Variants in UPK1B observed in about 807,000 individuals in gnomAD.
UPK1B encodes uroplakin 1B.
A neutral mutation model predicts 34.2 loss-of-function variants in UPK1B; 28 were observed. The ratio of observed to expected loss-of-function variants is 0.82; its 90% CI spans 0.61 to 1.12. The LOEUF (loss-of-function observed/expected upper bound fraction) is 1.12. Among genes scored for constraint, UPK1B ranks in the 50% most tolerant of loss-of-function variants. The probability of loss-of-function intolerance (pLI) is 0.00; values close to 1 mark genes in which losing one functional copy is unlikely to be tolerated. For synonymous variants in UPK1B, 81 were observed against 110.4 expected (o/e 0.73, Z 1.67); for missense variants, 325 against 320.9 (o/e 1.01, Z -0.10).
chr3:119,179,379 A>ATATATG (rs2107424873), intron 1 of UPK1B, among the ~76,000 whole-genome samples: 1 of 85,078 alleles, frequency 1.2e-5, no homozygotes, highest in African/African-American at 4.2e-5. Context: ...ATATATATAT[A>ATATATG]TATATATATA....
chr3:119,179,507 C>T lies in UPK1B; in HGVS notation c.-29+5869C>T, dbSNP rs1453530643. Among the ~76,000 whole-genome samples the T allele has an allele frequency of 2.9e-3, 153 of 52,208 alleles. 7 individuals carry two copies. Among genetic ancestry groups the T allele is most frequent in the Non-Finnish European group, 3.2e-3 (86 of 26,928 alleles). 34.3% of individuals were successfully genotyped at this position (52,208 alleles called of 152,430 possible). ...TTTGGGGAAGAGTTGATGTTGCAGT[C>T]TTTTTTTTTTTTTTTTTTTTGAGAC... On this transcript the variant is annotated intron_variant, in intron 1 of 7. Coordinates refer to ENST00000264234, the MANE Select transcript of UPK1B (RefSeq NM_006952.4).
At chr3:119,196,514 T>G (rs374907630) in intron 6 of UPK1B, among the ~76,000 whole-genome samples, 3 of 150,636 alleles carry the variant, frequency 2.0e-5, no homozygotes, top group Middle Eastern at 3.2e-3. Flanking sequence ...AAGAAGTGAA[T>G]AGTGAATGGT....
At chr3:119,203,340 CAAAAAAAAAAAAA>C (rs55752613) in intron 7 of UPK1B, among the ~76,000 whole-genome samples, 4 of 62,026 alleles carry the variant, frequency 6.4e-5, no homozygotes, top group East Asian at 1.0e-3. Flanking sequence ...AACTCCGTCT[CAAAAAAAAAAAAA>C]AAAAAAAAAA....
intron 6 of UPK1B, among the ~76,000 whole-genome samples, chr3:119,198,238 C>T (rs1028455815): frequency 5.9e-5 from 9 of 152,208 alleles, no homozygotes; most frequent in Non-Finnish European, 1.2e-4. Flanking sequence ...GAGAAACCTC[C>T]TCTGGTAGTG....
Position 119,199,086 on chromosome 3 carries a change from G to A in UPK1B, c.678G>A (p.Met226Ile). 1 of 1,614,172 alleles carries A rather than the reference G, an allele frequency of 6.2e-7. No individual in the cohort carries two copies. Among genetic ancestry groups the A allele is most frequent in the Middle Eastern group, 1.6e-4 (1 of 6,062 alleles). Residue 226 changes from methionine to isoleucine, a missense_variant, in exon 7 of 8, where the codon ATG becomes ATA. By Grantham distance (10) the Met-to-Ile change is conservative. Coordinates refer to ENST00000264234, the MANE Select transcript of UPK1B (RefSeq NM_006952.4). ...GCTATGAACTGATCTCTGGTCCAATGAACCGACACGCCTGGGGGGTTGCCT... is the reference window on the plus strand; with the variant it reads ...GCTATGAACTGATCTCTGGTCCAATAAACCGACACGCCTGGGGGGTTGCCT... The part of the protein sequence containing the change: ...QGCYELISGP[M>I]NRHAWGVAWF...
intron 7 of UPK1B, among the ~76,000 whole-genome samples, chr3:119,200,097 G>A (rs2078084826): frequency 6.6e-6 from 1 of 152,062 alleles, no homozygotes; most frequent in Non-Finnish European, 1.5e-5. Flanking sequence ...GTAATATGTT[G>A]CCTAGGTTGA....
chr3:119,179,575 T>A (rs1399860985), intron 1 of UPK1B, among the ~76,000 whole-genome samples: 1 of 135,572 alleles, frequency 7.4e-6, no homozygotes, highest in African/African-American at 2.7e-5. Context: ...AGTGGCCTGA[T>A]CTTGGCTCAC....
intron 6 of UPK1B, among the ~76,000 whole-genome samples, chr3:119,197,865 AGAT>A (rs1161788547): frequency 6.6e-6 from 1 of 152,168 alleles, no homozygotes; most frequent in African/African-American, 2.4e-5. Flanking sequence ...GGCTTTGTTG[AGAT>A]GATATTTGCA....
chr3:119,182,702 T>A (rs570863879), intron 1 of UPK1B, among the ~76,000 whole-genome samples: 35 of 152,356 alleles, frequency 2.3e-4, no homozygotes, highest in African/African-American at 8.2e-4. Flanking sequence ...ACTGGAAGCC[T>A]ACACTTGGCT....
intron 7 of UPK1B, among the ~76,000 whole-genome samples, chr3:119,199,594 T>G (rs2078082441): frequency 6.6e-6 from 1 of 152,268 alleles, no homozygotes; most frequent in African/African-American, 2.4e-5. Flanking sequence ...CCACTTTATC[T>G]GACGCATATG....
Position 119,191,065 on chromosome 3 carries a change from C to A in UPK1B, c.429C>A (p.Asn143Lys). ...CAAACAATGATGACCAGTGGAAAAA[C>A]AATGGAGTCACCAAAACCTGGGACA... Reference protein sequence around the residue: ...SPPNNDDQWKNNGVTKTWDRL... With the variant: ...SPPNNDDQWKKNGVTKTWDRL... Residue 143 changes from asparagine (N) to lysine (K), a missense_variant, in exon 5 of 8, where the codon AAC (asparagine) becomes AAA (lysine). By Grantham distance (94) the Asn-to-Lys change is moderately conservative (BLOSUM62 0). Transcript: ENST00000264234. 5 of 1,614,024 alleles carry A rather than the reference C, an allele frequency of 3.1e-6. No homozygotes were observed. Among genetic ancestry groups the A allele is most frequent in the Non-Finnish European group, 4.2e-6 (5 of 1,179,948 alleles).
chr3:119,190,658 A>G (rs1023104617), intron 4 of UPK1B, among the ~76,000 whole-genome samples: 3 of 152,206 alleles, frequency 2.0e-5, no homozygotes, highest in Admixed American at 6.5e-5. Context: ...GGGCCTTCCA[A>G]TGGGAGGATC....
At chr3:119,177,814 A>G (rs1000509139) in intron 1 of UPK1B, among the ~76,000 whole-genome samples, 1 of 152,238 alleles carries the variant, frequency 6.6e-6, no homozygotes, top group Non-Finnish European at 1.5e-5. Context: ...GTACCAGACT[A>G]TATTGCTGTG....
At chr3:119,193,183 C>T (rs1170765182) in intron 5 of UPK1B, among the ~76,000 whole-genome samples, 1 of 152,192 alleles carries the variant, frequency 6.6e-6, no homozygotes, top group Non-Finnish European at 1.5e-5. Flanking sequence ...TGGAGTGCTA[C>T]AAAGCTCAAT....
chr3:119,175,185 G>A (rs1576864113), intron 1 of UPK1B, among the ~76,000 whole-genome samples: 2 of 151,172 alleles, frequency 1.3e-5, no homozygotes, highest in South Asian at 4.2e-4. Context: ...CTGCCACCAC[G>A]CCCGGCCAAT....
chr3:119,178,852 A>G (rs1280832018), intron 1 of UPK1B, among the ~76,000 whole-genome samples: 2 of 152,216 alleles, frequency 1.3e-5, no homozygotes, highest in African/African-American at 2.4e-5. Context: ...GAAGCACTGT[A>G]TGGAATGGAA....
At chr3:119,173,901 C>T (rs912958523) in intron 1 of UPK1B, among the ~76,000 whole-genome samples, 38 of 152,092 alleles carry the variant, frequency 2.5e-4, no homozygotes, top group African/African-American at 8.7e-4. Flanking sequence ...CGCAGCCATC[C>T]TGCTTTCAAC....
In UPK1B at chr3:119,178,018, G is replaced by C. The variant is rs9868469; in HGVS notation, c.-29+4380G>C. On this transcript the variant is annotated intron_variant, in intron 1 of 7. Coordinates refer to ENST00000264234, the MANE Select transcript of UPK1B (RefSeq NM_006952.4). ...GTAAAGAGTTCGATAGGCAGAAATG[G>C]GAGAAGGGATTCCAAAGACAGGGAC... Among the ~76,000 whole-genome samples, 1,001 of 152,004 alleles carry C rather than the reference G, an allele frequency of 6.6e-3. 11 individuals carry two copies. Among genetic ancestry groups the C allele is most frequent in the Non-Finnish European group, 0.011 (745 of 67,970 alleles).
rs1485508044 is a variant in UPK1B, at chr3:119,204,710, CTACAAAAA to C, written c.*753_*760del. 1 of 152,250 alleles carries C rather than the reference CTACAAAAA, an allele frequency of 6.6e-6. No homozygotes were observed. The highest frequency in any genetic ancestry group is 2.4e-5 in the African/African-American group (1 of 41,458). The allele number at this position is 152,250 out of a possible 1,614,324, so 9.4% of individuals were successfully genotyped here. A position where few individuals can be genotyped will look rare whatever the true frequency, so the allele number is the denominator to read the frequency against. ...TGGCCAACATGGTGAAACCCCGTCT[CTACAAAAA>C]TACAAAAATTAGCCAGGCGTGATGG... On this transcript the variant is annotated 3_prime_UTR_variant, in exon 8 of 8. Transcript: ENST00000264234.
Sources: gnomAD v4.1 joint callset for allele counts (sites outside exome capture counted in the v4.1 genomes callset) on GRCh38, gnomAD v4.1.1 for gene constraint, MANE v1.5 for transcripts, NCBI Gene and HGNC (gene_info 2026-07-23, HGNC 2026-07-21) for gene names.